The following LAMA1 variants were observed in gnomAD, a reference collection of about 807,000 sequenced individuals.
The protein encoded by LAMA1 is laminin subunit alpha-1.
In LAMA1, 219 loss-of-function variants were observed where a neutral mutation model predicts 348.7. The ratio of observed to expected loss-of-function variants is 0.63; its 90% CI spans 0.56 to 0.70. The LOEUF is 0.70. LAMA1 is among the 30% of genes least tolerant of loss of function. The pLI is 0.00. For synonymous variants in LAMA1, 1,487 were observed against 1,491.0 expected (o/e 1.00, Z 0.06); for missense variants, 3,744 against 3,888.0 (o/e 0.96, Z 0.99).
intron 16 of LAMA1, among the ~76,000 whole-genome samples, chr18:7,030,722 T>A (rs1265566554): frequency 1.3e-5 from 2 of 152,208 alleles, no homozygotes; most frequent in Non-Finnish European, 2.9e-5. Flanking sequence ...GCATTATCAC[T>A]TTAATGTGAA....
At position 7,014,007 on chromosome 18, in the gene LAMA1, A is replaced by G. The variant is rs9953287; in HGVS notation, c.3171T>C (p.Asp1057=). The G allele has an allele frequency of 3.5e-3, 5,571 of 1,614,012 alleles. 176 individuals are homozygous for G. The African/African-American group carries it at 0.065, about 19-fold the overall frequency. Residue 1057 remains aspartate, a synonymous_variant, in exon 23 of 63, where the codon GAT becomes GAC. Transcript: ENST00000389658. ...SLVGSTHHRC[D]VVTGHCQCKS... is the part of the protein sequence containing the mutation. ...TGCACTGGCAATGGCCGGTGACCACATCGCACCGATGATGAGTCGACCCCA... is the reference window on the plus strand; with the variant it reads ...TGCACTGGCAATGGCCGGTGACCACGTCGCACCGATGATGAGTCGACCCCA...
chr18:7,031,218 T>G (rs377583763), intron 16 of LAMA1, among the ~76,000 whole-genome samples: 6 of 152,192 alleles, frequency 3.9e-5, no homozygotes, highest in African/African-American at 1.4e-4. Flanking sequence ...GCGACCAGGG[T>G]ACAGCTGATC....
At position 6,976,038 on chromosome 18, in the gene LAMA1, A is replaced by C. The variant is rs1438835581; in HGVS notation, c.6388T>G (p.Tyr2130Asp). ...VSADRDCIRA[Y>D]QPQISSTNYN... ...TTGGTAGAGGAAATCTGAGGCTGGT[A>C]GGCCCGGATGCAATCTCTGTCTGCA... The change falls in exon 45 of 63, where the codon TAC becomes GAC. Residue 2130 changes from tyrosine (Y) to aspartate (D), a missense_variant. Coordinates refer to ENST00000389658, the MANE Select transcript of LAMA1 (RefSeq NM_005559.4). The C allele has an allele frequency of 6.2e-7, 1 of 1,614,094 alleles. No individual in the cohort carries two copies. Among genetic ancestry groups the C allele is most frequent in the Non-Finnish European group, 8.5e-7 (1 of 1,180,044 alleles).
intron 18 of LAMA1, among the ~76,000 whole-genome samples, chr18:7,023,600 C>T (rs1023416968): frequency 6.6e-6 from 1 of 152,038 alleles, no homozygotes; most frequent in African/African-American, 2.4e-5. Flanking sequence ...GGGACATGCA[C>T]CTGTTTCCAG....
At chr18:7,019,994 T>A (rs1331028291) in intron 19 of LAMA1, among the ~76,000 whole-genome samples, 1 of 152,136 alleles carries the variant, frequency 6.6e-6, no homozygotes, top group Non-Finnish European at 1.5e-5. Context: ...TTATAGTAAT[T>A]CTTAATTAAA....
chr18:7,085,498 A>G (rs916624819), intron 1 of LAMA1, among the ~76,000 whole-genome samples: 6 of 143,248 alleles, frequency 4.2e-5, no homozygotes, highest in Non-Finnish European at 7.5e-5. Flanking sequence ...CGCTCACTGC[A>G]AGCTCCACCT....
At chr18:7,104,127 C>T (rs572337004) in intron 1 of LAMA1, among the ~76,000 whole-genome samples, 61 of 151,728 alleles carry the variant, frequency 4.0e-4, no homozygotes, top group African/African-American at 1.4e-3. Context: ...TACAGGCGAC[C>T]GCCACCACGC....
rs936472518 is a variant in LAMA1 at position 7,068,367 on chromosome 18, T to C, written c.345+11608A>G. On this transcript the variant is annotated intron_variant, in intron 3 of 62. Coordinates refer to ENST00000389658, the MANE Select transcript of LAMA1 (RefSeq NM_005559.4). ...TACTGAAGGAACCGCCCATGTGTTG[T>C]CCACTTTCTTTGCACTAAGGGCTTA... is the stretch of plus-strand genomic sequence containing the variant. Among the ~76,000 whole-genome samples the C allele has an allele frequency of 3.3e-5, 5 of 152,224 alleles. No homozygotes were observed. In the South Asian group the frequency reaches 8.3e-4, roughly 25 times the overall value.
intron 16 of LAMA1, among the ~76,000 whole-genome samples, chr18:7,027,760 G>C (rs901650691): frequency 1.3e-4 from 20 of 151,986 alleles, no homozygotes; most frequent in African/African-American, 4.8e-4. Context: ...CTGGCCAACA[G>C]GGAGAAACCC....
In LAMA1 at chr18:6,993,648, G is replaced by T. The variant is rs1000298760; in HGVS notation, c.5001C>A (p.Ser1667Arg). The T allele has an allele frequency of 8.1e-6, 13 of 1,608,652 alleles. No homozygotes were observed. The highest frequency in any genetic ancestry group is 1.1e-5 in the Non-Finnish European group (13 of 1,175,218). Residue 1667 changes from serine to arginine, a missense_variant, in exon 35 of 63, where the codon AGC (serine) becomes AGA (arginine). Transcript: ENST00000389658. ...LAIAIERLQM[S>R]ITEIMEKTTL... is the part of the protein sequence containing the mutation. ...AGACACTGCCCACACTACCTGTGATGCTCATCTGCAGCCTCTCAATGGCTA... is the reference window on the plus strand; with the variant it reads ...AGACACTGCCCACACTACCTGTGATTCTCATCTGCAGCCTCTCAATGGCTA...
chr18:6,996,353 C>G (rs760802238), intron 33 of LAMA1, among the ~76,000 whole-genome samples: 2 of 152,146 alleles, frequency 1.3e-5, no homozygotes, highest in Non-Finnish European at 2.9e-5. Context: ...GAGGAAAACT[C>G]TTATCTAAGA....
rs952268079 is a variant in LAMA1 at position 7,098,082 on chromosome 18, C to T, written c.62-17625G>A. 5.3e-5 allele frequency among the ~76,000 whole-genome samples: 8 copies of T among 150,500 alleles called. No individual in the cohort carries two copies. The East Asian group carries it at 6.0e-4, about 11-fold the overall frequency. On this transcript the variant is annotated intron_variant, in intron 1 of 62. Coordinates refer to ENST00000389658, the MANE Select transcript of LAMA1 (RefSeq NM_005559.4). ...GCCAGGCCGGTCTCCAGCCCCTAAC[C>T]GCAAGTAATCCGCCAGCCTCAGCCT... is the stretch of plus-strand genomic sequence containing the variant.
chr18:6,992,145 T>C (rs1280167110), intron 36 of LAMA1, among the ~76,000 whole-genome samples: 1 of 152,242 alleles, frequency 6.6e-6, no homozygotes, highest in East Asian at 1.9e-4. Flanking sequence ...TACTTTTTTA[T>C]ATAACTAAGC....
At chr18:6,997,068 TC>T (rs1290310687) in intron 33 of LAMA1, among the ~76,000 whole-genome samples, 12 of 152,232 alleles carry the variant, frequency 7.9e-5, no homozygotes, top group African/African-American at 2.2e-4. Flanking sequence ...TTTTTCTTTT[TC>T]TTTTTCTTTT....
rs767139454 is a variant in LAMA1 at position 7,008,494 on chromosome 18, T to A, written c.4116A>T (p.Ser1372=). 1.4e-5 allele frequency: 22 copies of A among 1,603,772 alleles called. No individual in the cohort carries two copies. The highest frequency in any genetic ancestry group is 1.8e-5 in the Non-Finnish European group (21 of 1,170,800). The change falls in exon 28 of 63, where the codon TCA becomes TCT. Residue 1372 remains serine, a synonymous_variant. Transcript: ENST00000389658. ...CVCPPGTVGF[S]CQDCAPGYHR... ...TCGACTAGAGTCTCCGTACCTGACA[T>A]GAGAATCCCACAGTGCCAGGAGGAC...
At chr18:7,052,986 C>A (rs1222171229) in intron 3 of LAMA1, among the ~76,000 whole-genome samples, 2 of 152,196 alleles carry the variant, frequency 1.3e-5, no homozygotes, top group Non-Finnish European at 2.9e-5. Context: ...TGCCACTGCA[C>A]TCCAGCCTGG....
At chr18:7,012,534 C>T (rs1237743710) in intron 23 of LAMA1, among the ~76,000 whole-genome samples, 2 of 149,444 alleles carry the variant, frequency 1.3e-5, no homozygotes, top group African/African-American at 2.4e-5. Context: ...AAGACAGAGT[C>T]TCGCTCTGTC....
intron 23 of LAMA1, among the ~76,000 whole-genome samples, chr18:7,013,220 G>C (rs982694024): frequency 5.9e-5 from 9 of 152,002 alleles, no homozygotes; most frequent in Non-Finnish European, 1.2e-4. Flanking sequence ...CCCAGGCCAT[G>C]ATATGTACAT....
At position 7,032,054 on chromosome 18, in the gene LAMA1, TGA is replaced by T. The variant is rs1177247374; in HGVS notation, c.2274+10_2274+11del. Reference sequence around the variant, plus strand: ...GGAGGAGAGGGCACCTGAACTACAGTGAGAGACTCACAATGCAAACGCCGTGA... The same window carrying T: ...GGAGGAGAGGGCACCTGAACTACAGTGAGACTCACAATGCAAACGCCGTGA... On this transcript the variant is annotated intron_variant, in intron 16 of 62. Transcript: ENST00000389658. The T allele has an allele frequency of 1.2e-6, 2 of 1,610,398 alleles. No homozygotes were observed. The highest frequency in any genetic ancestry group is 1.7e-6 in the Non-Finnish European group (2 of 1,176,780).
Sources: allele counts gnomAD v4.1 joint callset (sites outside exome capture counted in the v4.1 genomes callset), GRCh38; gene constraint gnomAD v4.1.1; transcripts MANE v1.5; gene names NCBI Gene and HGNC (gene_info 2026-07-23, HGNC 2026-07-21).